RBFOX1: variants seen among roughly 807,000 people sequenced by gnomAD.
RBFOX1 encodes the protein RNA binding protein fox-1 homolog 1.
A neutral mutation model predicts 57.7 loss-of-function variants in RBFOX1; 8 were observed. That is an observed-to-expected ratio of 0.14 (90% CI 0.08 to 0.25). RBFOX1 has a LOEUF of 0.25. RBFOX1 is among the 10% of genes least tolerant of loss of function. The pLI, the probability that RBFOX1 is intolerant of heterozygous loss-of-function variation, is 1.00. For synonymous variants in RBFOX1, 326 were observed against 222.4 expected (o/e 1.47, Z -4.15); for missense variants, 611 against 548.5 (o/e 1.11, Z -1.14).
chr16:5,310,880 G>C (rs943234452), intron 1 of RBFOX1, among the ~76,000 whole-genome samples: 1 of 152,104 alleles, frequency 6.6e-6, no homozygotes, highest in Non-Finnish European at 1.5e-5. Context: ...GAGTCTAAGT[G>C]GTTTTTGGTC....
intron 1 of RBFOX1, among the ~76,000 whole-genome samples, chr16:5,285,186 A>C (rs1596392678): frequency 6.6e-6 from 1 of 152,310 alleles, no homozygotes; most frequent in East Asian, 1.9e-4. Context: ...TTATTTTAAA[A>C]GACTAGTCTT....
intron 3 of RBFOX1, among the ~76,000 whole-genome samples, chr16:6,903,534 G>C (rs2068998107): frequency 6.6e-6 from 1 of 152,196 alleles, no homozygotes; most frequent in Non-Finnish European, 1.5e-5. Flanking sequence ...CACTTCAATA[G>C]GATGTGAGCT....
intron 3 of RBFOX1, among the ~76,000 whole-genome samples, chr16:6,870,363 A>G (rs936646952): frequency 2.6e-5 from 4 of 152,174 alleles, no homozygotes; most frequent in Non-Finnish European, 4.4e-5. Context: ...AGATGCTCCT[A>G]TTGGATTTTC....
intron 3 of RBFOX1, among the ~76,000 whole-genome samples, chr16:5,646,182 A>ATTTTTTTTTTTTTT (rs55685218): frequency 7.5e-6 from 1 of 133,726 alleles, no homozygotes; most frequent in Non-Finnish European, 1.6e-5. Flanking sequence ...GGCACGTGCT[A>ATTTTTTTTTTTTTT]TTTTTTTTTT....
chr16:5,672,409 C>A (rs2050039735), intron 3 of RBFOX1, among the ~76,000 whole-genome samples: 1 of 152,120 alleles, frequency 6.6e-6, no homozygotes, highest in Non-Finnish European at 1.5e-5. Context: ...CCCTCCTGCT[C>A]CAGGGCCTTT....
intron 2 of RBFOX1, among the ~76,000 whole-genome samples, chr16:6,602,278 C>T (rs1014929857): frequency 1.2e-4 from 19 of 152,148 alleles, no homozygotes; most frequent in African/African-American, 4.3e-4. Flanking sequence ...GTTGCCTTTT[C>T]ACTCTTTTAA....
At chr16:7,139,961 T>C (rs958755110) in intron 4 of RBFOX1, among the ~76,000 whole-genome samples, 13 of 152,076 alleles carry the variant, frequency 8.5e-5, no homozygotes, top group Admixed American at 3.9e-4. Context: ...ACATGAGTTT[T>C]AGTTGCTGAC....
intron 1 of RBFOX1, among the ~76,000 whole-genome samples, chr16:6,152,742 C>G (rs967306305): frequency 6.6e-6 from 1 of 152,150 alleles, no homozygotes; most frequent in African/African-American, 2.4e-5. Flanking sequence ...AGACCCATAA[C>G]TCAAGCCATG....
intron 3 of RBFOX1, among the ~76,000 whole-genome samples, chr16:5,797,733 C>G (rs1319506793): frequency 1.3e-5 from 2 of 152,236 alleles, no homozygotes; most frequent in African/African-American, 2.4e-5. Flanking sequence ...AATTAATAGA[C>G]CATTTAGATT....
intron 4 of RBFOX1, among the ~76,000 whole-genome samples, chr16:7,220,635 T>C (rs1299276379): frequency 6.6e-6 from 1 of 152,196 alleles, no homozygotes; most frequent in South Asian, 2.1e-4. Context: ...GAGGACTTGT[T>C]ACCTGGACTT....
At chr16:5,544,775 A>G (rs2045114210) in intron 2 of RBFOX1, among the ~76,000 whole-genome samples, 1 of 152,104 alleles carries the variant, frequency 6.6e-6, no homozygotes, top group Non-Finnish European at 1.5e-5. Context: ...CTTTATGCTC[A>G]TAAATTTGAC....
intron 3 of RBFOX1, among the ~76,000 whole-genome samples, chr16:6,889,901 T>A (rs1221760781): frequency 6.6e-6 from 1 of 152,228 alleles, no homozygotes; most frequent in Non-Finnish European, 1.5e-5. Context: ...TTTAACACAT[T>A]GTATAGCATT....
chr16:5,838,836 A>G (rs1364317629), intron 3 of RBFOX1, among the ~76,000 whole-genome samples: 1 of 152,202 alleles, frequency 6.6e-6, no homozygotes, highest in Non-Finnish European at 1.5e-5. Flanking sequence ...CACTTTTTGC[A>G]GACTACCTCA....
chr16:5,597,395 C>CAT (rs1363908203), intron 2 of RBFOX1, among the ~76,000 whole-genome samples: 1 of 114,426 alleles, frequency 8.7e-6, no homozygotes, highest in African/African-American at 3.4e-5. Flanking sequence ...AGCTTGCTGA[C>CAT]TTTTTTTTTT....
At chr16:6,755,921 A>C (rs1052073628) in intron 3 of RBFOX1, among the ~76,000 whole-genome samples, 1 of 152,120 alleles carries the variant, frequency 6.6e-6, no homozygotes, top group Non-Finnish European at 1.5e-5. Flanking sequence ...TTCCATGTAG[A>C]AACATCCTGT....
intron 1 of RBFOX1, among the ~76,000 whole-genome samples, chr16:5,322,890 T>C (rs557481644): frequency 1.3e-5 from 2 of 152,302 alleles, no homozygotes; most frequent in South Asian, 4.1e-4. Flanking sequence ...TTTTCAGTGG[T>C]TTCTCTTCCG....
At chr16:5,408,950 C>A (rs1051102036) in intron 1 of RBFOX1, among the ~76,000 whole-genome samples, 5 of 152,224 alleles carry the variant, frequency 3.3e-5, no homozygotes, top group Admixed American at 6.5e-5. Flanking sequence ...CCAGGCCCTA[C>A]CTCTAATACT....
At chr16:7,128,312 A>G (rs543108468) in intron 4 of RBFOX1, among the ~76,000 whole-genome samples, 3 of 152,324 alleles carry the variant, frequency 2.0e-5, no homozygotes, top group Admixed American at 6.5e-5. Context: ...ACTTAACCCC[A>G]TTTTAATATG....
chr16:6,993,675 G>A (rs905402743), intron 3 of RBFOX1, among the ~76,000 whole-genome samples: 4 of 152,156 alleles, frequency 2.6e-5, no homozygotes, highest in Non-Finnish European at 5.9e-5. Context: ...GCATTTGTGT[G>A]CATTAGGTAA....
Sources: allele counts gnomAD v4.1 joint callset (sites outside exome capture counted in the v4.1 genomes callset), GRCh38; gene constraint gnomAD v4.1.1; transcripts MANE v1.5; gene names NCBI Gene and HGNC (gene_info 2026-07-23, HGNC 2026-07-21).